The following RBFOX1 variants were observed in gnomAD, a reference collection of about 807,000 sequenced individuals.
The protein encoded by RBFOX1 is RNA binding fox-1 homolog 1.
In RBFOX1, 8 loss-of-function variants were observed where a neutral mutation model predicts 57.7. The observed-to-expected ratio is 0.14, with a 90% CI of 0.08 to 0.25. The LOEUF is 0.25. RBFOX1 is among the 10% of genes least tolerant of loss of function. The pLI is 1.00. For missense variants in RBFOX1, 611 were observed against 548.5 expected, an observed-to-expected ratio of 1.11 and a Z score of -1.14; for synonymous variants, 326 against 222.4, an observed-to-expected ratio of 1.47 and a Z score of -4.15.
chr16:6,808,129 CTA>C (rs150143418), intron 3 of RBFOX1, among the ~76,000 whole-genome samples: 2 of 137,614 alleles, frequency 1.5e-5, no homozygotes, highest in African/African-American at 2.8e-5. Flanking sequence ...ATGCATAGAA[CTA>C]TATATAATAT....
At chr16:5,724,023 A>AG (rs72529045) in intron 3 of RBFOX1, among the ~76,000 whole-genome samples, 1 of 114,722 alleles carries the variant, frequency 8.7e-6, no homozygotes, top group African/African-American at 5.4e-5. Context: ...TATGTTAGCA[A>AG]ACCATTTGTG....
At chr16:5,659,908 G>T (rs1421329870) in intron 3 of RBFOX1, among the ~76,000 whole-genome samples, 4 of 152,126 alleles carry the variant, frequency 2.6e-5, no homozygotes, top group Non-Finnish European at 5.9e-5. Context: ...GTGGTTATTA[G>T]GTGTGCTGCT....
chr16:7,263,183 A>C (rs2153077427), intron 4 of RBFOX1, among the ~76,000 whole-genome samples: 1 of 152,304 alleles, frequency 6.6e-6, no homozygotes, highest in Middle Eastern at 3.4e-3. Context: ...TTACATTCTA[A>C]GCCACTTGAT....
chr16:7,128,397 T>C (rs1356690037), intron 4 of RBFOX1, among the ~76,000 whole-genome samples: 1 of 152,176 alleles, frequency 6.6e-6, no homozygotes, highest in Non-Finnish European at 1.5e-5. Context: ...CCTAGTGGCT[T>C]GAAAGAGTGA....
intron 10 of RBFOX1, among the ~76,000 whole-genome samples, chr16:7,625,661 T>C (rs969100585): frequency 1.3e-5 from 2 of 151,976 alleles, no homozygotes; most frequent in African/African-American, 2.4e-5. Flanking sequence ...TCCGTTCACA[T>C]TTTTTGTTTA....
At chr16:5,454,947 C>CT (rs1567535782) in intron 1 of RBFOX1, among the ~76,000 whole-genome samples, 136 of 45,632 alleles carry the variant, frequency 3.0e-3, no homozygotes, top group East Asian at 5.8e-3. Context: ...TCCTTCCTTC[C>CT]TTCCTTCCTT....
intron 4 of RBFOX1, among the ~76,000 whole-genome samples, chr16:5,906,863 T>C (rs901384583): frequency 6.7e-6 from 1 of 150,034 alleles, no homozygotes; most frequent in African/African-American, 2.5e-5. Flanking sequence ...ACCTCCTGAG[T>C]AACTAGGATT....
intron 4 of RBFOX1, among the ~76,000 whole-genome samples, chr16:7,149,581 G>A (rs923930261): frequency 6.7e-6 from 1 of 148,938 alleles, no homozygotes; most frequent in African/African-American, 2.5e-5. Context: ...CTCCTCCCAG[G>A]CTCAAAAGAT....
chr16:5,488,894 A>G (rs1372043973), intron 2 of RBFOX1, among the ~76,000 whole-genome samples: 1 of 152,186 alleles, frequency 6.6e-6, no homozygotes, highest in African/African-American at 2.4e-5. Flanking sequence ...ATGGAATATG[A>G]TGGTGATACA....
chr16:6,688,857 A>G (rs1403051759), intron 3 of RBFOX1, among the ~76,000 whole-genome samples: 2 of 152,078 alleles, frequency 1.3e-5, no homozygotes, highest in Non-Finnish European at 2.9e-5. Flanking sequence ...CTCATTGTTC[A>G]ACTCCCACTT....
chr16:6,723,030 AAGGATCTGAGAGCTACCC>A (rs2066344211), intron 3 of RBFOX1, among the ~76,000 whole-genome samples: 1 of 152,162 alleles, frequency 6.6e-6, no homozygotes, highest in Non-Finnish European at 1.5e-5. Flanking sequence ...GATAAGTGGA[AAGGATCTGAGAGCTACCC>A]AGGCTTTGGG....
chr16:6,931,898 C>T (rs1409356618), intron 3 of RBFOX1, among the ~76,000 whole-genome samples: 2 of 152,124 alleles, frequency 1.3e-5, no homozygotes, highest in African/African-American at 4.8e-5. Context: ...GGCAAGAGCG[C>T]ATGTGAGAGG....
chr16:7,247,358 A>G (rs895309485), intron 4 of RBFOX1, among the ~76,000 whole-genome samples: 4 of 152,188 alleles, frequency 2.6e-5, no homozygotes, highest in Admixed American at 2.0e-4. Flanking sequence ...GCCAACGGGT[A>G]GGAAAGTACA....
intron 3 of RBFOX1, among the ~76,000 whole-genome samples, chr16:6,683,707 C>G (rs1603403047): frequency 6.6e-6 from 1 of 152,142 alleles, no homozygotes; most frequent in Non-Finnish European, 1.5e-5. Context: ...AGTCTAAGTA[C>G]AGCAGGGTGT....
chr16:5,646,733 C>G (rs1160623922), intron 3 of RBFOX1, among the ~76,000 whole-genome samples: 2 of 152,216 alleles, frequency 1.3e-5, no homozygotes, highest in African/African-American at 4.8e-5. Flanking sequence ...CTTCCAGGTT[C>G]ACACCATTCT....
intron 1 of RBFOX1, among the ~76,000 whole-genome samples, chr16:5,333,552 A>C (rs2064816366): frequency 6.6e-6 from 1 of 152,222 alleles, no homozygotes; most frequent in Non-Finnish European, 1.5e-5. Context: ...GAAGCACAGC[A>C]GACGTAGAAG....
chr16:6,072,774 C>T (rs376861336), intron 1 of RBFOX1, among the ~76,000 whole-genome samples: 7 of 151,990 alleles, frequency 4.6e-5, no homozygotes, highest in African/African-American at 1.5e-4. Context: ...GTGTTCTTAA[C>T]CACCTCCATG....
At chr16:6,467,340 A>G (rs1268087070) in intron 2 of RBFOX1, among the ~76,000 whole-genome samples, 3 of 151,982 alleles carry the variant, frequency 2.0e-5, no homozygotes, top group African/African-American at 4.8e-5. Context: ...CAGTGTTGTA[A>G]CAACACCAGG....
chr16:7,442,865 C>G (rs936979785), intron 4 of RBFOX1, among the ~76,000 whole-genome samples: 3 of 152,066 alleles, frequency 2.0e-5, no homozygotes, highest in African/African-American at 7.2e-5. Flanking sequence ...GCCTATGGCC[C>G]CTGAGAAGGA....
Sources: gnomAD v4.1 joint callset for allele counts (sites outside exome capture counted in the v4.1 genomes callset) on GRCh38, gnomAD v4.1.1 for gene constraint, MANE v1.5 for transcripts, NCBI Gene and HGNC (gene_info 2026-07-23, HGNC 2026-07-21) for gene names.